Variants in ADAM20 observed in about 807,000 individuals in gnomAD.
ADAM20 encodes the protein ADAM metallopeptidase domain 20.
For missense variants in ADAM20, 871 were observed against 883.2 expected (o/e 0.99, Z 0.18); for synonymous variants, 305 against 310.2 (o/e 0.98, Z 0.18).
At chr14:70,557,067 A>C in the ADAM20 span, 1 of 152,224 alleles carries the variant, frequency 6.6e-6, no homozygotes, top group Non-Finnish European at 1.5e-5. Context: ...TGGAAGGTTT[A>C]ATATACAAAA....
chr14:70,572,078 C>T, the ADAM20 span, among the ~76,000 whole-genome samples: 1 of 152,168 alleles, frequency 6.6e-6, no homozygotes, highest in Non-Finnish European at 1.5e-5. Context: ...AGATTCAACA[C>T]AATTCCTATG....
chr14:70,522,607 G>A lies in ADAM20; in HGVS notation c.2151C>T (p.Arg717=), dbSNP rs1331056526. The part of the protein sequence containing the change: ...LFCLHVLFKK[R]TKSKEDEEG ...CTTCTTCATCTTCTTTACTTTTTGT[G>A]CGTTTCTTAAAAAGCACATGTAAGC... is the stretch of plus-strand genomic sequence containing the variant. Residue 717 remains arginine, a synonymous_variant, in exon 2 of 2, where the codon CGC becomes CGT. Coordinates refer to ENST00000256389, the MANE Select transcript of ADAM20 (RefSeq NM_003814.5). The A allele has an allele frequency of 1.9e-6, 3 of 1,608,364 alleles. No individual in the cohort carries two copies. The highest frequency in any genetic ancestry group is 1.1e-5 in the South Asian group (1 of 90,038).
the ADAM20 span, among the ~76,000 whole-genome samples, chr14:70,568,378 T>G: frequency 5.9e-5 from 9 of 151,344 alleles, no homozygotes; most frequent in Non-Finnish European, 1.3e-4. Context: ...ATTGAAAAAT[T>G]AAAAGATCCC....
intron 1 of ADAM20, among the ~76,000 whole-genome samples, chr14:70,525,479 T>C (rs981858025): frequency 2.0e-5 from 3 of 152,032 alleles, no homozygotes; most frequent in African/African-American, 7.2e-5. Flanking sequence ...GTCTCAGCCT[T>C]CCAAAGTACT....
chr14:70,548,622 T>G, the ADAM20 span, among the ~76,000 whole-genome samples: 1 of 91,940 alleles, frequency 1.1e-5, no homozygotes, highest in Admixed American at 1.2e-4. Flanking sequence ...TAAAAAGAAA[T>G]GAGCAAAGCC....
the ADAM20 span, among the ~76,000 whole-genome samples, chr14:70,579,163 T>C: frequency 1.3e-5 from 2 of 152,096 alleles, no homozygotes; most frequent in Non-Finnish European, 2.9e-5. Flanking sequence ...GCAGGTGTCT[T>C]TTTGGTAGAA....
the ADAM20 span, among the ~76,000 whole-genome samples, chr14:70,561,556 C>T: frequency 6.6e-6 from 1 of 152,240 alleles, no homozygotes; most frequent in Non-Finnish European, 1.5e-5. Context: ...CAGGGTATTT[C>T]AGAGACCTCC....
chr14:70,554,004 T>C, the ADAM20 span, among the ~76,000 whole-genome samples: 34 of 152,168 alleles, frequency 2.2e-4, no homozygotes, highest in African/African-American at 8.2e-4. Context: ...TGATTATTGT[T>C]GACTGATGAT....
the ADAM20 span, among the ~76,000 whole-genome samples, chr14:70,543,334 T>C: frequency 6.6e-6 from 1 of 152,216 alleles, no homozygotes; most frequent in Admixed American, 6.5e-5. Context: ...ACCCTTAGGG[T>C]GGAATAGCAG....
the ADAM20 span, among the ~76,000 whole-genome samples, chr14:70,540,452 T>C: frequency 6.6e-6 from 1 of 152,212 alleles, no homozygotes; most frequent in South Asian, 2.1e-4. Context: ...CACAGTAAGA[T>C]TAGAAATGTC....
At chr14:70,560,918 G>A in the ADAM20 span, among the ~76,000 whole-genome samples, 2 of 152,170 alleles carry the variant, frequency 1.3e-5, no homozygotes, top group African/African-American at 4.8e-5. Context: ...GACTAATACA[G>A]AAAACTGGTA....
At chr14:70,527,913 T>C (rs11622303) in intron 1 of ADAM20, among the ~76,000 whole-genome samples, 7,828 of 152,306 alleles carry the variant, frequency 0.051, 255 homozygotes, top group Middle Eastern at 0.099. Context: ...ATCTAAATCA[T>C]CTAAACCTTT....
At chr14:70,544,157 C>T in the ADAM20 span, among the ~76,000 whole-genome samples, 1 of 151,914 alleles carries the variant, frequency 6.6e-6, no homozygotes, top group Non-Finnish European at 1.5e-5. Context: ...CACACAGAAA[C>T]ATTCCAAGCC....
chr14:70,572,345 G>A, the ADAM20 span, among the ~76,000 whole-genome samples: 1 of 152,162 alleles, frequency 6.6e-6, no homozygotes, highest in Non-Finnish European at 1.5e-5. Context: ...CCAATCAATG[G>A]TGAAAGGACT....
At chr14:70,528,055 T>C (rs193220307) in intron 1 of ADAM20, among the ~76,000 whole-genome samples, 1 of 152,240 alleles carries the variant, frequency 6.6e-6, no homozygotes, top group Non-Finnish European at 1.5e-5. Context: ...ATGTATATGG[T>C]CTGCTTTTTT....
chr14:70,558,481 G>C, the ADAM20 span, among the ~76,000 whole-genome samples: 1 of 152,020 alleles, frequency 6.6e-6, no homozygotes. Flanking sequence ...TGTTATACAT[G>C]TATGAATGTG....
the ADAM20 span, among the ~76,000 whole-genome samples, chr14:70,563,020 C>T: frequency 4.6e-5 from 7 of 152,140 alleles, no homozygotes; most frequent in Non-Finnish European, 1.0e-4. Flanking sequence ...TATTCATTAA[C>T]GAAACTTGAC....
intron 1 of ADAM20, among the ~76,000 whole-genome samples, chr14:70,529,932 CTG>C (rs1566657841): frequency 6.6e-6 from 1 of 152,132 alleles, no homozygotes; most frequent in African/African-American, 2.4e-5. Flanking sequence ...AACTTCTTGA[CTG>C]TTTTGTAATA....
the ADAM20 span, among the ~76,000 whole-genome samples, chr14:70,553,338 A>G: frequency 8.8e-6 from 1 of 113,366 alleles, no homozygotes; most frequent in Non-Finnish European, 1.7e-5. Context: ...AAAAACTAGT[A>G]GCAGAATTGA....
Sources: allele counts gnomAD v4.1 joint callset (sites outside exome capture counted in the v4.1 genomes callset), GRCh38; gene constraint gnomAD v4.1.1; transcripts MANE v1.5; gene names NCBI Gene and HGNC (gene_info 2026-07-23, HGNC 2026-07-21).